The following NTN1 variants were observed in gnomAD, a reference collection of about 807,000 sequenced individuals.
NTN1 encodes the protein netrin-1.
Under a neutral mutation model 54.2 loss-of-function variants are expected in NTN1, and 11 were observed. The ratio of observed to expected loss-of-function variants is 0.20; its 90% CI spans 0.13 to 0.34. NTN1 has a LOEUF of 0.34. Among genes scored for constraint, NTN1 ranks in the 10% least tolerant of loss-of-function variants. The pLI, the probability that NTN1 is intolerant of heterozygous loss-of-function variation, is 1.00. For synonymous variants in NTN1, 371 were observed against 382.0 expected (o/e 0.97, Z 0.33); for missense variants, 740 against 893.1 (o/e 0.83, Z 2.18).
At chr17:9,197,728 C>T (rs957068976) in intron 5 of NTN1, among the ~76,000 whole-genome samples, 1 of 151,428 alleles carries the variant, frequency 6.6e-6, no homozygotes. Flanking sequence ...TTAGAGAAGA[C>T]TGCTTCAAGA....
At chr17:9,110,911 G>A (rs1459418201) in intron 2 of NTN1, among the ~76,000 whole-genome samples, 1 of 149,862 alleles carries the variant, frequency 6.7e-6, no homozygotes, top group Non-Finnish European at 1.5e-5. Context: ...TGGGTTTAGG[G>A]ACCACCTTAA....
In NTN1 at chr17:9,239,381, T is replaced by G. The variant is rs1906105977; in HGVS notation, c.1487-259T>G. On this transcript the variant is annotated intron_variant, in intron 6 of 6. Transcript: ENST00000173229. This position sits in a 1 kb window ranked among gnomAD's most constrained non-coding sequence, Gnocchi z 5.2. ...TAGGCTTCCTGGACAAAGTGGGCCT[T>G]GACAAGGCCAGGAGATGGCTTGTCC... 6.6e-6 allele frequency among the ~76,000 whole-genome samples: 1 copy of G among 152,168 alleles called. No individual in the cohort carries two copies. Among genetic ancestry groups the G allele is most frequent in the Non-Finnish European group, 1.5e-5 (1 of 68,024 alleles).
chr17:9,139,292 C>G (rs528559810), intron 2 of NTN1, among the ~76,000 whole-genome samples: 45 of 152,178 alleles, frequency 3.0e-4, no homozygotes, highest in Middle Eastern at 3.4e-3. Context: ...GAGCAGGTAC[C>G]GGAGGGCCAG....
intron 2 of NTN1, among the ~76,000 whole-genome samples, chr17:9,043,273 A>G (rs1024589158): frequency 6.6e-6 from 1 of 152,212 alleles, no homozygotes; most frequent in African/African-American, 2.4e-5. Context: ...AGTGATAATA[A>G]TAACATTTGA....
chr17:9,217,027 C>T (rs1905230194), intron 5 of NTN1, among the ~76,000 whole-genome samples: 1 of 149,074 alleles, frequency 6.7e-6, no homozygotes, highest in Non-Finnish European at 1.5e-5. Flanking sequence ...GGATGACAGA[C>T]AGGGCATGAC....
intron 2 of NTN1, among the ~76,000 whole-genome samples, chr17:9,148,486 G>A (rs2092319714): frequency 6.6e-6 from 1 of 152,180 alleles, no homozygotes; most frequent in Non-Finnish European, 1.5e-5. Context: ...CACAGCCCAA[G>A]CTGGGTAGGG....
chr17:9,068,375 A>C (rs190320980), intron 2 of NTN1, among the ~76,000 whole-genome samples: 133 of 152,122 alleles, frequency 8.7e-4, no homozygotes, highest in Admixed American at 2.7e-3. Context: ...TGTAGAGACG[A>C]GGTCCTACTA....
chr17:9,105,546 T>C (rs1337809762), intron 2 of NTN1, among the ~76,000 whole-genome samples: 1 of 152,094 alleles, frequency 6.6e-6, no homozygotes, highest in Non-Finnish European at 1.5e-5. Flanking sequence ...GTGTTCATGA[T>C]ATTATCCCTG....
At chr17:9,027,571 A>G (rs915005710) in intron 2 of NTN1, among the ~76,000 whole-genome samples, 16 of 152,230 alleles carry the variant, frequency 1.1e-4, no homozygotes, top group African/African-American at 3.6e-4. Context: ...ATCCATGTGT[A>G]GGAGAAAGGC....
intron 5 of NTN1, among the ~76,000 whole-genome samples, chr17:9,189,179 A>G (rs1290035614): frequency 1.3e-5 from 2 of 152,162 alleles, no homozygotes; most frequent in African/African-American, 4.8e-5. Flanking sequence ...TCTTCCACCC[A>G]TGGAGCTAGG....
At chr17:9,167,334 A>G (rs1443293979) in intron 3 of NTN1, among the ~76,000 whole-genome samples, 1 of 152,216 alleles carries the variant, frequency 6.6e-6, no homozygotes, top group Admixed American at 6.5e-5. Flanking sequence ...AAGACGACCA[A>G]AGACGACGTT....
intron 6 of NTN1, among the ~76,000 whole-genome samples, chr17:9,225,912 C>T (rs1049122659): frequency 4.6e-5 from 7 of 152,222 alleles, no homozygotes; most frequent in East Asian, 1.9e-4. Context: ...CCAGCAGCCC[C>T]GGACCCCCTT....
Position 9,135,533 on chromosome 17 carries a change from C to T in NTN1, c.1019-27280C>T, listed in dbSNP as rs939929638. ...CTTGACCATGAGACTCTCCTAAGTTCTGAATGCAGAGGATTGGCTGAGATC... is the reference window on the plus strand; with the variant it reads ...CTTGACCATGAGACTCTCCTAAGTTTTGAATGCAGAGGATTGGCTGAGATC... On this transcript the variant is annotated intron_variant, in intron 2 of 6. Transcript: ENST00000173229. The surrounding 1 kb of genome is among the most constrained non-coding windows in gnomAD (Gnocchi z 4.4). Among the ~76,000 whole-genome samples the T allele has an allele frequency of 1.3e-5, 2 of 152,238 alleles. No individual in the cohort carries two copies. The highest frequency in any genetic ancestry group is 4.8e-5 in the African/African-American group (2 of 41,474).
intron 2 of NTN1, among the ~76,000 whole-genome samples, chr17:9,115,517 C>T (rs189224812): frequency 3.3e-5 from 5 of 152,312 alleles, no homozygotes; most frequent in Admixed American, 1.3e-4. Context: ...GGACAGATCC[C>T]GGCTGAAATC....
intron 2 of NTN1, among the ~76,000 whole-genome samples, chr17:9,145,456 A>G (rs2092310668): frequency 6.6e-6 from 1 of 152,222 alleles, no homozygotes; most frequent in Admixed American, 6.5e-5. Context: ...GGGGAGGACT[A>G]ACCCCCTACC....
At chr17:9,227,285 GCATACACA>G (rs374624290) in intron 6 of NTN1, among the ~76,000 whole-genome samples, 61 of 147,298 alleles carry the variant, frequency 4.1e-4, no homozygotes, top group African/African-American at 1.4e-3. Flanking sequence ...CCACATGCAC[GCATACACA>G]CATACACAAT....
intron 2 of NTN1, among the ~76,000 whole-genome samples, chr17:9,102,995 G>C (rs937684671): frequency 6.6e-6 from 1 of 152,182 alleles, no homozygotes; most frequent in South Asian, 2.1e-4. Flanking sequence ...GGTGGCAGGA[G>C]GTGGCTTCTG....
intron 2 of NTN1, among the ~76,000 whole-genome samples, chr17:9,154,213 T>G (rs930260109): frequency 6.6e-6 from 1 of 152,204 alleles, no homozygotes; most frequent in Non-Finnish European, 1.5e-5. Context: ...TAACCAGACC[T>G]TAGCATGCCC....
rs137890010 is a variant in NTN1, at chr17:9,058,245, A to G, written c.1018+34854A>G. 6.2e-3 allele frequency among the ~76,000 whole-genome samples: 951 copies of G among 152,298 alleles called. 15 individuals carry two copies. Among genetic ancestry groups the G allele is most frequent in the African/African-American group, 0.022 (894 of 41,560 alleles). ...TGGGGTACAAGTGGTTTTTGGTTAC[A>G]TGGATGAATTCTGTTGTGGTGAATT... On this transcript the variant is annotated intron_variant, in intron 2 of 6. Transcript: ENST00000173229.
Sources: gnomAD v4.1 joint callset for allele counts (sites outside exome capture counted in the v4.1 genomes callset) on GRCh38, gnomAD v4.1.1 for gene constraint, Gnocchi (gnomAD v3.1) non-coding constraint, MANE v1.5 for transcripts, NCBI Gene and HGNC (gene_info 2026-07-23, HGNC 2026-07-21) for gene names.